NEGR1: variants seen among roughly 807,000 people sequenced by gnomAD.
NEGR1 encodes the protein IgLON family member 4.
NEGR1 carries 10 observed loss-of-function variants against 40.9 expected under a neutral mutation model. That is an observed-to-expected ratio of 0.24 (90% CI 0.15 to 0.42). The LOEUF (loss-of-function observed/expected upper bound fraction) is 0.42. Among genes scored for constraint, NEGR1 ranks in the 10% least tolerant of loss-of-function variants. NEGR1 has a pLI of 1.00. For synonymous variants in NEGR1, 185 were observed against 166.8 expected, an observed-to-expected ratio of 1.11 and a Z score of -0.84; for missense variants, 352 against 438.9, an observed-to-expected ratio of 0.80 and a Z score of 1.77.
At chr1:71,714,494 A>C (rs1654209520) in intron 3 of NEGR1, among the ~76,000 whole-genome samples, 1 of 152,352 alleles carries the variant, frequency 6.6e-6, no homozygotes, top group Middle Eastern at 3.4e-3. Flanking sequence ...TGACAAGGCA[A>C]GTCCCTTCTG....
chr1:71,910,888 A>T (rs1305916585), intron 2 of NEGR1, among the ~76,000 whole-genome samples: 2 of 151,914 alleles, frequency 1.3e-5, no homozygotes, highest in Non-Finnish European at 2.9e-5. Context: ...TGTAGAGGGT[A>T]GGTTTCACCA....
chr1:71,418,230 T>C (rs1440669766), intron 6 of NEGR1, among the ~76,000 whole-genome samples: 1 of 151,856 alleles, frequency 6.6e-6, no homozygotes, highest in Non-Finnish European at 1.5e-5. Flanking sequence ...GGAAAAAATG[T>C]GGTAGAGAAT....
rs1291439385 is a variant in NEGR1, at chr1:71,406,090, C to T, written c.*1356G>A. Reference sequence around the variant, plus strand: ...TTTGTCTTTATTTGATCGCATCTTACATATATCATGTAAGGAAAAATAAAG... The same window carrying T: ...TTTGTCTTTATTTGATCGCATCTTATATATATCATGTAAGGAAAAATAAAG... On this transcript the variant is annotated 3_prime_UTR_variant, in exon 7 of 7. Transcript: ENST00000357731. The T allele has an allele frequency of 1.3e-5, 2 of 152,106 alleles. No homozygotes were observed. Among genetic ancestry groups the T allele is most frequent in the East Asian group, 1.9e-4 (1 of 5,186 alleles). 9.4% of individuals were successfully genotyped at this position (152,106 alleles called of 1,614,324 possible).
chr1:71,587,837 T>A (rs1482753282), intron 6 of NEGR1, among the ~76,000 whole-genome samples: 1 of 152,128 alleles, frequency 6.6e-6, no homozygotes, highest in Non-Finnish European at 1.5e-5. Flanking sequence ...CTCTAAGCAA[T>A]GAGTCTTCAT....
intron 1 of NEGR1, among the ~76,000 whole-genome samples, chr1:72,149,879 CAA>C (rs1180110033): frequency 1.2e-3 from 48 of 39,362 alleles, no homozygotes; most frequent in African/African-American, 1.8e-3. Context: ...AAAACTCTGT[CAA>C]AAAAAAAAAA....
chr1:71,521,152 T>A (rs1036369514), intron 6 of NEGR1, among the ~76,000 whole-genome samples: 1 of 152,060 alleles, frequency 6.6e-6, no homozygotes, highest in Non-Finnish European at 1.5e-5. Flanking sequence ...GTTTTTCTCA[T>A]TCTAAAGTCC....
intron 2 of NEGR1, among the ~76,000 whole-genome samples, chr1:71,898,005 T>G (rs997347854): frequency 6.6e-6 from 1 of 152,194 alleles, no homozygotes; most frequent in African/African-American, 2.4e-5. Context: ...ACGGATAGTA[T>G]TTTCTGAAGG....
At chr1:71,528,057 G>A (rs924020341) in intron 6 of NEGR1, among the ~76,000 whole-genome samples, 1 of 151,222 alleles carries the variant, frequency 6.6e-6, no homozygotes, top group African/African-American at 2.4e-5. Context: ...TTTGCTAAGT[G>A]GTTCAGCATT....
chr1:71,492,860 T>C (rs934549109), intron 6 of NEGR1, among the ~76,000 whole-genome samples: 3 of 152,100 alleles, frequency 2.0e-5, no homozygotes, highest in Admixed American at 6.6e-5. Flanking sequence ...CCTCTCACCA[T>C]AGTCTGTAAG....
At chr1:72,166,113 A>C (rs970090030) in intron 1 of NEGR1, among the ~76,000 whole-genome samples, 1 of 152,018 alleles carries the variant, frequency 6.6e-6, no homozygotes, top group African/African-American at 2.4e-5. Flanking sequence ...TCAAACAAGA[A>C]ATCTCAAAAT....
chr1:71,867,717 T>C (rs1660159299), intron 2 of NEGR1, among the ~76,000 whole-genome samples: 1 of 152,180 alleles, frequency 6.6e-6, no homozygotes, highest in African/African-American at 2.4e-5. Context: ...TTGTATCATG[T>C]TTATTATTAA....
At chr1:71,674,710 G>C (rs1225291210) in intron 4 of NEGR1, among the ~76,000 whole-genome samples, 1 of 151,684 alleles carries the variant, frequency 6.6e-6, no homozygotes, top group Admixed American at 6.6e-5. Context: ...GTGTAGACGA[G>C]ATTGCTTTCA....
At chr1:71,919,751 C>T (rs1410523600) in intron 2 of NEGR1, among the ~76,000 whole-genome samples, 2 of 152,076 alleles carry the variant, frequency 1.3e-5, no homozygotes, top group Non-Finnish European at 2.9e-5. Flanking sequence ...AGCCTAGGTT[C>T]GAGTTTGAGG....
intron 3 of NEGR1, among the ~76,000 whole-genome samples, chr1:71,756,361 C>T (rs1655731812): frequency 7.1e-6 from 1 of 140,588 alleles, no homozygotes; most frequent in South Asian, 2.3e-4. Context: ...ACTGCTTTCA[C>T]AACTTCCCCT....
chr1:72,103,108 A>T (rs146289727), intron 1 of NEGR1, among the ~76,000 whole-genome samples: 2 of 152,162 alleles, frequency 1.3e-5, no homozygotes, highest in African/African-American at 4.8e-5. Flanking sequence ...ACTTTTCTAT[A>T]AGTATACAAC....
At chr1:71,506,475 C>G (rs751320811) in intron 6 of NEGR1, among the ~76,000 whole-genome samples, 3 of 152,124 alleles carry the variant, frequency 2.0e-5, no homozygotes, top group Non-Finnish European at 4.4e-5. Context: ...GGAAGCGAAC[C>G]TTTGGTGGGG....
At chr1:72,206,158 A>C (rs1365256821) in intron 1 of NEGR1, among the ~76,000 whole-genome samples, 1 of 151,930 alleles carries the variant, frequency 6.6e-6, no homozygotes, top group Admixed American at 6.6e-5. Context: ...GTGAGTACAG[A>C]TGGCATGATT....
chr1:71,841,078 A>C lies in NEGR1; in HGVS notation c.410-64781T>G, dbSNP rs139368683. Among the ~76,000 whole-genome samples the C allele has an allele frequency of 5.9e-3, 890 of 152,012 alleles. 6 individuals carry two copies. Among genetic ancestry groups the C allele is most frequent in the South Asian group, 8.7e-3 (42 of 4,808 alleles). ...AAGGTATATCTCTTTCTCTCTCTCT[A>C]TATATATACACATCCTATTAGTTCT... is the stretch of plus-strand genomic sequence containing the variant. On this transcript the variant is annotated intron_variant, in intron 2 of 6. Transcript: ENST00000357731.
intron 1 of NEGR1, among the ~76,000 whole-genome samples, chr1:71,978,305 G>T (rs1646324477): frequency 6.6e-6 from 1 of 152,128 alleles, no homozygotes; most frequent in Admixed American, 6.5e-5. Flanking sequence ...AAAATTGAAT[G>T]AAGTGAACTG....
Sources: allele counts gnomAD v4.1 joint callset (sites outside exome capture counted in the v4.1 genomes callset), GRCh38; gene constraint gnomAD v4.1.1; transcripts MANE v1.5; gene names NCBI Gene and HGNC (gene_info 2026-07-23, HGNC 2026-07-21).